The following SLC25A29 variants were observed in gnomAD, a reference collection of about 807,000 sequenced individuals.
SLC25A29 encodes the protein mitochondrial basic amino acids transporter.
Under a neutral mutation model 10.0 loss-of-function variants are expected in SLC25A29, and 13 were observed. The observed-to-expected ratio is 1.30, with a 90% CI of 0.85 to 2.07. SLC25A29 has a LOEUF of 2.07. Ranked by LOEUF, SLC25A29 falls within the 30% of genes most tolerant of loss-of-function variation. SLC25A29 has a pLI of 0.00. For missense variants in SLC25A29, 475 were observed against 447.6 expected (o/e 1.06, Z -0.55); for synonymous variants, 244 against 221.1 (o/e 1.10, Z -0.92).
chr14:100,296,761 G>T (rs1892184526), intron 2 of SLC25A29, among the ~76,000 whole-genome samples: 1 of 151,698 alleles, frequency 6.6e-6, no homozygotes, highest in Non-Finnish European at 1.5e-5. Flanking sequence ...ACCACGCCCG[G>T]CTAATTTTTT....
downstream of SLC25A29, among the ~76,000 whole-genome samples, chr14:100,290,165 GGA>G (rs951975888): frequency 2.0e-5 from 3 of 152,224 alleles, no homozygotes; most frequent in South Asian, 2.1e-4. Context: ...GCAGATGTGT[GGA>G]GAGATCCAGG....
At chr14:100,304,290 G>A (rs1400709222) in intron 1 of SLC25A29, among the ~76,000 whole-genome samples, 1 of 152,142 alleles carries the variant, frequency 6.6e-6, no homozygotes, top group Admixed American at 6.5e-5. Flanking sequence ...CTGGAGCCTG[G>A]GACACAGTCA....
At chr14:100,296,149 G>C in intron 2 of SLC25A29, 1 of 719,282 alleles carries the variant, frequency 1.4e-6, no homozygotes, top group South Asian at 1.8e-5. Context: ...TGGAAGTGAG[G>C]ACAGTGGGCC....
At chr14:100,279,390 C>G in the SLC25A29 span, 1 of 152,372 alleles carries the variant, frequency 6.6e-6, no homozygotes, top group South Asian at 2.1e-4. Context: ...TGGTGACCTA[C>G]TAACAGTGAC....
the SLC25A29 span, chr14:100,280,250 G>A: frequency 6.6e-6 from 1 of 152,112 alleles, no homozygotes; most frequent in Admixed American, 6.5e-5. Context: ...GTTTGAAATG[G>A]TATTCTAACA....
chr14:100,300,955 A>G lies in SLC25A29; in HGVS notation c.35-2070T>C, dbSNP rs528750592. Among the ~76,000 whole-genome samples, 209 of 151,684 alleles carry G rather than the reference A, an allele frequency of 1.4e-3. 1 individual carries two copies. Among genetic ancestry groups the G allele is most frequent in the African/African-American group, 4.9e-3 (201 of 41,322 alleles). ...CGCTCTGTCGCCCAGGCTGGAGTGT[A>G]GTGTTGCGGTCTCGGCTCACTGCAA... On this transcript the variant is annotated intron_variant, in intron 1 of 3. Transcript: ENST00000359232.
At chr14:100,280,030 T>TGTTAA in the SLC25A29 span, 1 of 152,264 alleles carries the variant, frequency 6.6e-6, no homozygotes, top group African/African-American at 2.4e-5. Flanking sequence ...TCACGTCTTC[T>TGTTAA]CAGTCTGCAG....
Position 100,292,264 on chromosome 14 carries a change from A to C in SLC25A29, c.*19T>G, listed in dbSNP as rs1402169958. 1.3e-6 allele frequency: 2 copies of C among 1,533,200 alleles called. No homozygotes were observed. Among genetic ancestry groups the C allele is most frequent in the Non-Finnish European group, 1.8e-6 (2 of 1,141,178 alleles). The allele number at this position is 1,533,200 out of a possible 1,614,324, so 95.0% of individuals were successfully genotyped here. The stretch of plus-strand genomic sequence containing the variant: ...AGGTTTCTGAGAAGGAGCCCTGGGG[A>C]AGGAGGGCGGGGTGAGCGTCACAGG... On this transcript the variant is annotated 3_prime_UTR_variant, in exon 4 of 4. Coordinates refer to ENST00000359232, the MANE Select transcript of SLC25A29 (RefSeq NM_001039355.3).
chr14:100,299,703 A>G (rs1892413899), intron 1 of SLC25A29: 1 of 985,020 alleles, frequency 1.0e-6, no homozygotes, highest in Non-Finnish European at 1.2e-6. Flanking sequence ...AAGCAGCCTC[A>G]TTACCCATTT....
chr14:100,288,154 G>A (rs551759454), downstream of SLC25A29, among the ~76,000 whole-genome samples: 4 of 152,112 alleles, frequency 2.6e-5, no homozygotes, highest in South Asian at 2.1e-4. Flanking sequence ...AGGCTGAGGC[G>A]GCGGATCACC....
chr14:100,304,327 G>A (rs1892767813), intron 1 of SLC25A29, among the ~76,000 whole-genome samples: 1 of 152,168 alleles, frequency 6.6e-6, no homozygotes, highest in African/African-American at 2.4e-5. Flanking sequence ...GGCCACCCCA[G>A]CACCCTGGAG....
chr14:100,285,084 G>A, the SLC25A29 span, among the ~76,000 whole-genome samples: 1 of 151,772 alleles, frequency 6.6e-6, no homozygotes, highest in Non-Finnish European at 1.5e-5. Flanking sequence ...AGGAGGCAAG[G>A]AGGCAGGACG....
downstream of SLC25A29, among the ~76,000 whole-genome samples, chr14:100,286,965 G>A (rs1180166201): frequency 6.6e-6 from 1 of 152,250 alleles, no homozygotes; most frequent in Non-Finnish European, 1.5e-5. Flanking sequence ...ACCCTGCACT[G>A]CAAAATGGGG....
intron 1 of SLC25A29, among the ~76,000 whole-genome samples, chr14:100,301,732 G>A (rs8019885): frequency 5.3e-5 from 8 of 150,424 alleles, no homozygotes; most frequent in Middle Eastern, 3.6e-3. Flanking sequence ...GGATGGTCTC[G>A]ATCTCCTGAC....
chr14:100,278,707 C>T, the SLC25A29 span: 1 of 152,278 alleles, frequency 6.6e-6, no homozygotes, highest in Non-Finnish European at 1.5e-5. Flanking sequence ...TCAGGAACTA[C>T]CTCAGAACAC....
downstream of SLC25A29, among the ~76,000 whole-genome samples, chr14:100,287,527 G>A (rs1891567121): frequency 6.6e-6 from 1 of 151,922 alleles, no homozygotes; most frequent in Non-Finnish European, 1.5e-5. Flanking sequence ...TCTAGCTCCT[G>A]CCACATAGTT....
At chr14:100,303,552 C>G (rs377031216) in intron 1 of SLC25A29, among the ~76,000 whole-genome samples, 13 of 152,360 alleles carry the variant, frequency 8.5e-5, no homozygotes, top group African/African-American at 3.1e-4. Flanking sequence ...GTTTCAGCAC[C>G]CTTCGGCGAG....
At chr14:100,287,637 C>G (rs1274443774), downstream of SLC25A29, among the ~76,000 whole-genome samples, 2 of 84,234 alleles carry the variant, frequency 2.4e-5, no homozygotes, top group South Asian at 1.1e-3. Context: ...CACCCCCCCC[C>G]TCCGAATTCC....
Position 100,292,835 on chromosome 14 carries a change from C to T in SLC25A29, c.360G>A (p.Leu120=), listed in dbSNP as rs758788537. The change falls in exon 4 of 4, where the codon CTG becomes CTA. Residue 120 remains leucine, a synonymous_variant. Transcript: ENST00000359232. ...CCPMELAKTR[L]QLQDAGPART... is the part of the protein sequence containing the mutation. ...GCGCTGGGCCCGCGTCCTGCAGCTG[C>T]AGCCGCGTCTTGGCCAGCTCCATGG... 2 of 1,592,172 alleles carry T rather than the reference C, an allele frequency of 1.3e-6. No individual in the cohort carries two copies. The highest frequency in any genetic ancestry group is 3.5e-5 in the Admixed American group (2 of 57,486).
Sources: gnomAD v4.1 joint callset for allele counts (sites outside exome capture counted in the v4.1 genomes callset) on GRCh38, gnomAD v4.1.1 for gene constraint, MANE v1.5 for transcripts, NCBI Gene and HGNC (gene_info 2026-07-23, HGNC 2026-07-21) for gene names.